USP7: variants seen among roughly 807,000 people sequenced by gnomAD.
USP7 encodes ubiquitin C-terminal hydrolase 7.
A neutral mutation model predicts 162.9 loss-of-function variants in USP7; 9 were observed. The ratio of observed to expected loss-of-function variants is 0.06; its 90% CI spans 0.03 to 0.10. USP7 has a LOEUF of 0.10. Ranked by LOEUF, USP7 falls within the 10% of genes least tolerant of loss-of-function variation. USP7 has a pLI of 1.00. For missense variants in USP7, 715 were observed against 1,373.7 expected, an observed-to-expected ratio of 0.52 and a Z score of 7.58; for synonymous variants, 562 against 475.9, an observed-to-expected ratio of 1.18 and a Z score of -2.35.
At chr16:8,903,701 C>G (rs1328848897) in intron 15 of USP7, among the ~76,000 whole-genome samples, 1 of 151,964 alleles carries the variant, frequency 6.6e-6, no homozygotes, top group East Asian at 1.9e-4. Context: ...AACCCTGTCT[C>G]TACTAAAAAT....
intron 1 of USP7, among the ~76,000 whole-genome samples, chr16:8,947,617 G>C (rs1899349070): frequency 6.8e-6 from 1 of 147,156 alleles, no homozygotes; most frequent in African/African-American, 2.7e-5. Flanking sequence ...CAAAATGCTG[G>C]GATTACAGGT....
chr16:8,915,653 T>C, intron 8 of USP7, 128 bp from the exon 9 acceptor site: 1 of 813,866 alleles, frequency 1.2e-6, no homozygotes, highest in Non-Finnish European at 1.9e-6. Context: ...ACCTCTGGCA[T>C]GCAATTCTCA....
intron 1 of USP7, chr16:8,936,745 A>C (rs1898758966): frequency 1.5e-6 from 2 of 1,362,278 alleles, no homozygotes; most frequent in African/African-American, 3.0e-5. Context: ...ATCCCACAGA[A>C]GCCTTGTCTT....
At chr16:8,929,211 T>C (rs934933808) in intron 2 of USP7, among the ~76,000 whole-genome samples, 4 of 152,064 alleles carry the variant, frequency 2.6e-5, no homozygotes, top group African/African-American at 9.7e-5. Flanking sequence ...CCTTCCCAAA[T>C]GCACTCACTC....
intron 26 of USP7, among the ~76,000 whole-genome samples, chr16:8,896,746 A>G (rs2061686907): frequency 6.6e-6 from 1 of 152,204 alleles, no homozygotes; most frequent in Non-Finnish European, 1.5e-5. Context: ...AACGTGGCTT[A>G]ATTGTGAAAC....
chr16:8,935,814 C>A (rs1432993518), intron 1 of USP7: 2 of 152,182 alleles, frequency 1.3e-5, no homozygotes, highest in African/African-American at 4.8e-5. Flanking sequence ...CTCTACTGGG[C>A]ACTTAATGCC....
At chr16:8,913,994 T>C (rs1220852147) in intron 10 of USP7, among the ~76,000 whole-genome samples, 1 of 151,902 alleles carries the variant, frequency 6.6e-6, no homozygotes, top group African/African-American at 2.4e-5. Context: ...CGACTCAGCC[T>C]CCCAAAGTGC....
chr16:8,907,488 T>TA (rs774148484), intron 12 of USP7, among the ~76,000 whole-genome samples: 3 of 152,336 alleles, frequency 2.0e-5, no homozygotes, highest in Admixed American at 6.5e-5. Context: ...CTAATCAGGA[T>TA]AAAAATACTG....
At position 8,959,506 on chromosome 16, in the gene USP7, G is replaced by A. The variant is rs182010819; in HGVS notation, c.79+3701C>T. ...TCGCTTTGAATCATTAAAACCTGAC[G>A]TGCTCACATCAGAGTGAGATGCTAG... On this transcript the variant is annotated intron_variant, in intron 1 of 30. Coordinates refer to ENST00000344836, the MANE Select transcript of USP7 (RefSeq NM_003470.3). Among the ~76,000 whole-genome samples, 41 of 152,242 alleles carry A rather than the reference G, an allele frequency of 2.7e-4. 1 individual carries two copies. The East Asian group carries it at 7.3e-3, about 27-fold the overall frequency.
Position 8,894,764 on chromosome 16 carries a change from A to G in USP7, c.3111+20T>C. On this transcript the variant is annotated intron_variant, in intron 29 of 30. Transcript: ENST00000344836. ...TGAGCCTATGGCCCGCCAAGCCCCC[A>G]GGAGGCCCCAGCTGCACACCTTCTC... The G allele has an allele frequency of 6.2e-7, 1 of 1,614,228 alleles. No individual in the cohort carries two copies. The highest frequency in any genetic ancestry group is 8.5e-7 in the Non-Finnish European group (1 of 1,180,038).
intron 12 of USP7, among the ~76,000 whole-genome samples, chr16:8,907,269 G>T (rs758661660): frequency 6.6e-6 from 1 of 152,212 alleles, no homozygotes; most frequent in Non-Finnish European, 1.5e-5. Context: ...AACAAAGTGA[G>T]GATCCAAAGA....
intron 14 of USP7, 97 bp downstream of exon 14, chr16:8,905,090 T>A: frequency 1.4e-6 from 2 of 1,470,072 alleles, no homozygotes; most frequent in Non-Finnish European, 1.9e-6. Flanking sequence ...GGAATAAGCA[T>A]AAAATGTGTT....
At chr16:8,905,112 G>A (rs1343533798) in intron 14 of USP7, 75 bp downstream of exon 14, 14 of 1,537,716 alleles carry the variant, frequency 9.1e-6, no homozygotes, top group Non-Finnish European at 1.2e-5. Context: ...GGACAGAAAA[G>A]GATATTGGAG....
At chr16:8,921,036 G>C (rs2141211288) in intron 4 of USP7, 121 bp downstream of exon 4, 1 of 1,135,748 alleles carries the variant, frequency 8.8e-7, no homozygotes, top group Non-Finnish European at 1.2e-6. Flanking sequence ...AAAGACACTT[G>C]TCCAATTTAG....
chr16:8,894,476 C>G (rs1362758371), intron 30 of USP7, 74 bp downstream of exon 30: 3 of 1,469,874 alleles, frequency 2.0e-6, no homozygotes, highest in Non-Finnish European at 2.8e-6. Context: ...CCTGGGGCTG[C>G]CCCTCCCAGC....
chr16:8,899,415 A>G (rs938446342), intron 22 of USP7, 189 bp downstream of exon 22: 3 of 827,262 alleles, frequency 3.6e-6, no homozygotes, highest in African/African-American at 3.5e-5. Flanking sequence ...TGAGGTCTAC[A>G]GGTTCTTTTC....
rs966313285 is a variant in USP7 at position 8,905,409 on chromosome 16, A to G, written c.1429-78T>C. 78 of 1,559,254 alleles carry G rather than the reference A, an allele frequency of 5.0e-5. No homozygotes were observed. The African/African-American group carries it at 1.0e-3, about 20-fold the overall frequency. ...CAACACTAGAAGGCAGCGTTGTTCT[A>G]AAATGTGTGAACTTCTAGGTATGCC... is the stretch of plus-strand genomic sequence containing the variant. On this transcript the variant is annotated intron_variant, in intron 13 of 30. Coordinates refer to ENST00000344836, the MANE Select transcript of USP7 (RefSeq NM_003470.3).
chr16:8,941,918 T>C lies in USP7; in HGVS notation c.80-11521A>G, dbSNP rs113679434. Among the ~76,000 whole-genome samples, 304 of 152,324 alleles carry C rather than the reference T, an allele frequency of 2.0e-3. 1 individual carries two copies. The highest frequency in any genetic ancestry group is 6.0e-3 in the African/African-American group (249 of 41,574). ...TGGGAGGCAAGTCCCTTGGTGATCA[T>C]TGCAATAGAGGGCAAACGCACACAG... On this transcript the variant is annotated intron_variant, in intron 1 of 30. Coordinates refer to ENST00000344836, the MANE Select transcript of USP7 (RefSeq NM_003470.3).
In USP7 at chr16:8,963,201, C is replaced by A. The variant is rs2141272740; in HGVS notation, c.79+6G>T. 1 of 1,414,712 alleles carries A rather than the reference C, an allele frequency of 7.1e-7. No homozygotes were observed. The highest frequency in any genetic ancestry group is 1.5e-5 in the African/African-American group (1 of 66,278). The allele number at this position is 1,414,712 out of a possible 1,614,324, so 87.6% of individuals were successfully genotyped here. A position where few individuals can be genotyped will look rare whatever the true frequency, so the allele number is the denominator to read the frequency against. On this transcript the variant is annotated splice_donor_region_variant and intron_variant, in intron 1 of 30. Coordinates refer to ENST00000344836, the MANE Select transcript of USP7 (RefSeq NM_003470.3). The stretch of plus-strand genomic sequence containing the variant: ...GGCCCCGCCGCGGCCGGCCCTCGGG[C>A]CTCACCTTCCATCTCCATGTCCTCG...
Sources: gnomAD v4.1 joint callset for allele counts (sites outside exome capture counted in the v4.1 genomes callset) on GRCh38, gnomAD v4.1.1 for gene constraint, MANE v1.5 for transcripts, NCBI Gene and HGNC (gene_info 2026-07-23, HGNC 2026-07-21) for gene names.